Variants in CENPT observed in about 807,000 individuals in gnomAD.
The protein encoded by CENPT is centromere protein T.
Under a neutral mutation model 59.7 loss-of-function variants are expected in CENPT, and 42 were observed. That is an observed-to-expected ratio of 0.70 (90% CI 0.55 to 0.91). The LOEUF (loss-of-function observed/expected upper bound fraction) is 0.91. Ranked by LOEUF, CENPT falls within the 40% of genes least tolerant of loss-of-function variation. The pLI, the probability that CENPT is intolerant of heterozygous loss-of-function variation, is 0.00. For synonymous variants in CENPT, 295 were observed against 289.6 expected (o/e 1.02, Z -0.19); for missense variants, 716 against 713.4 (o/e 1.00, Z -0.04).
At chr16:67,837,032 C>A (rs917886921) in intron 1 of CENPT, among the ~76,000 whole-genome samples, 8 of 150,478 alleles carry the variant, frequency 5.3e-5, no homozygotes, top group African/African-American at 1.7e-4. Context: ...TGAGCCACTA[C>A]GAAATTTTTT....
At chr16:67,829,388 A>G (rs1936182023) in intron 13 of CENPT, 35 bp downstream of exon 13, 1 of 1,534,036 alleles carries the variant, frequency 6.5e-7, no homozygotes, top group Non-Finnish European at 8.9e-7. Flanking sequence ...TCCCTTCCCA[A>G]GAGGCCCATG....
chr16:67,841,982 T>C (rs1482873832), intron 1 of CENPT: 5 of 152,248 alleles, frequency 3.3e-5, no homozygotes, highest in Non-Finnish European at 7.3e-5. Flanking sequence ...GGAAGGCGCC[T>C]AGTTCAGCGC....
chr16:67,844,747 G>A (rs1406557339), intron 1 of CENPT, among the ~76,000 whole-genome samples: 2 of 151,514 alleles, frequency 1.3e-5, no homozygotes, highest in Admixed American at 1.3e-4. Flanking sequence ...TGGGAGGTGT[G>A]ATTCCTTGAC....
intron 4 of CENPT, 59 bp from the exon 5 acceptor site, chr16:67,832,604 A>G (rs1420861757): frequency 6.8e-7 from 1 of 1,467,724 alleles, no homozygotes; most frequent in South Asian, 1.2e-5. Flanking sequence ...GAGAATATAG[A>G]GACATGCCTT....
intron 9 of CENPT, 90 bp from the exon 10 acceptor site, chr16:67,831,448 CT>C: frequency 1.3e-6 from 2 of 1,572,976 alleles, no homozygotes; most frequent in Admixed American, 3.6e-5. Flanking sequence ...GCTCTCATCT[CT>C]TAGAACAGAT....
intron 11 of CENPT, 116 bp from the exon 12 acceptor site, chr16:67,830,204 C>A (rs1287079249): frequency 1.6e-6 from 2 of 1,241,048 alleles, no homozygotes; most frequent in Non-Finnish European, 2.3e-6. Context: ...AAAGACAAAG[C>A]CAGAGGCAGC....
chr16:67,831,297 C>T lies in CENPT; in HGVS notation c.622G>A (p.Ala208Thr), dbSNP rs774727424. 1.7e-5 allele frequency: 28 copies of T among 1,614,060 alleles called. No homozygotes were observed. Among genetic ancestry groups the T allele is most frequent in the Non-Finnish European group, 2.0e-5 (24 of 1,180,036 alleles). The change falls in exon 10 of 16, where the codon GCC becomes ACC. Residue 208 changes from alanine to threonine, a missense_variant. Coordinates refer to ENST00000562787, the MANE Select transcript of CENPT (RefSeq NM_025082.4). Reference sequence around the variant, plus strand: ...GCTCGGCGGGCTGGAGGTCTGCGGGCCAAGCCAGGCCTCTGCACTGACTGT... The same window carrying T: ...GCTCGGCGGGCTGGAGGTCTGCGGGTCAAGCCAGGCCTCTGCACTGACTGT... The part of the protein sequence containing the change: ...QPQSVQRPGL[A>T]RRPPARRAVD...
Position 67,842,318 on chromosome 16 carries a change from C to G in CENPT, c.-492+5083G>C, listed in dbSNP as rs1313398600. ...TCTCAGGCGGTCCTTCGCGGCGTCC[C>G]CGGGGCCCACTCCCGAGCGCAGGCG... is the stretch of plus-strand genomic sequence containing the variant. On this transcript the variant is annotated intron_variant, in intron 1 of 15. Coordinates refer to ENST00000562787, the MANE Select transcript of CENPT (RefSeq NM_025082.4). This position sits in a 1 kb window ranked among gnomAD's most constrained non-coding sequence, Gnocchi z 4.9. 5.7e-6 allele frequency: 1 copy of G among 176,032 alleles called. No individual in the cohort carries two copies. The highest frequency in any genetic ancestry group is 1.7e-4 in the East Asian group (1 of 6,026). 10.9% of individuals were successfully genotyped at this position (176,032 alleles called of 1,614,324 possible). A position where few individuals can be genotyped will look rare whatever the true frequency, so the allele number is the denominator to read the frequency against.
Position 67,842,457 on chromosome 16 carries a change from C to A in CENPT, c.-492+4944G>T. The A allele has an allele frequency of 8.0e-6, 8 of 1,004,428 alleles. No individual in the cohort carries two copies. Among genetic ancestry groups the A allele is most frequent in the Non-Finnish European group, 1.0e-5 (8 of 782,750 alleles). 62.2% of individuals were successfully genotyped at this position (1,004,428 alleles called of 1,614,324 possible). ...TGGTGGGATACCACCCAAGGCCTCGCGCGGCGCCGCCCGTCGAGGGGCGGG... is the reference window on the plus strand; with the variant it reads ...TGGTGGGATACCACCCAAGGCCTCGAGCGGCGCCGCCCGTCGAGGGGCGGG... On this transcript the variant is annotated intron_variant, in intron 1 of 15. Transcript: ENST00000562787. This position sits in a 1 kb window ranked among gnomAD's most constrained non-coding sequence, Gnocchi z 4.9.
chr16:67,831,966 A>T, intron 7 of CENPT, 46 bp downstream of exon 7: 1 of 1,588,416 alleles, frequency 6.3e-7, no homozygotes, highest in Non-Finnish European at 8.6e-7. Flanking sequence ...AAACTCCCGG[A>T]CTAAGCTGCC....
chr16:67,831,899 A>G lies in CENPT; in HGVS notation c.387-9T>C, dbSNP rs2057693605. 6.2e-7 allele frequency: 1 copy of G among 1,610,384 alleles called. No homozygotes were observed. The highest frequency in any genetic ancestry group is 8.5e-7 in the Non-Finnish European group (1 of 1,178,894). On this transcript the variant is annotated splice_polypyrimidine_tract_variant and intron_variant, in intron 7 of 15. Transcript: ENST00000562787. The stretch of plus-strand genomic sequence containing the variant: ...GAAGTTGCAGCTCCAGGCTATAAGA[A>G]TGGAGCTTATCTCAGACAGGCCAGG...
chr16:67,843,814 G>A lies in CENPT; in HGVS notation c.-492+3587C>T. The A allele has an allele frequency of 3.1e-6, 1 of 324,666 alleles. No individual in the cohort carries two copies. The highest frequency in any genetic ancestry group is 6.1e-6 in the Non-Finnish European group (1 of 165,244). The allele number at this position is 324,666 out of a possible 1,614,324, so 20.1% of individuals were successfully genotyped here. On this transcript the variant is annotated intron_variant, in intron 1 of 15. Coordinates refer to ENST00000562787, the MANE Select transcript of CENPT (RefSeq NM_025082.4). This position sits in a 1 kb window ranked among gnomAD's most constrained non-coding sequence, Gnocchi z 5.7. The stretch of plus-strand genomic sequence containing the variant: ...AAACTTACCCTCTAGGGATGCAGGT[G>A]GGATGTCCAGGGACTATAGGTTTGG...
rs1408691760 is a variant in CENPT, at chr16:67,831,327, G to A, written c.592C>T (p.Gln198Ter). ...SLNLTFATPL[Q>*]PQSVQRPGLA... ...CCAGGCCTCTGCACTGACTGTGGCT[G>A]AAGAGGTGTGGCAAAGGTCAGGTTG... Residue 198 changes from glutamine to a stop codon, truncating the protein, a stop_gained, in exon 10 of 16, where the codon CAG becomes TAG. Coordinates refer to ENST00000562787, the MANE Select transcript of CENPT (RefSeq NM_025082.4). LOFTEE classifies it high-confidence loss of function. The A allele has an allele frequency of 6.2e-7, 1 of 1,614,054 alleles. No homozygotes were observed. The highest frequency in any genetic ancestry group is 1.3e-5 in the African/African-American group (1 of 74,942).
In CENPT at chr16:67,833,894, A is replaced by G; in HGVS notation, c.-35T>C. 2 of 1,365,910 alleles carry G rather than the reference A, an allele frequency of 1.5e-6. No homozygotes were observed. Among genetic ancestry groups the G allele is most frequent in the Non-Finnish European group, 1.9e-6 (2 of 1,032,106 alleles). 84.6% of individuals were successfully genotyped at this position (1,365,910 alleles called of 1,614,324 possible). ...CCCGGGCCCTCCTAACCGCCCAGCCAGCTGCAGGCTCCGCCTTCCCGCCGC... is the reference window on the plus strand; with the variant it reads ...CCCGGGCCCTCCTAACCGCCCAGCCGGCTGCAGGCTCCGCCTTCCCGCCGC... On this transcript the variant is annotated 5_prime_UTR_variant, in exon 4 of 16. Coordinates refer to ENST00000562787, the MANE Select transcript of CENPT (RefSeq NM_025082.4).
chr16:67,832,080 C>A lies in CENPT; in HGVS notation c.318G>T (p.Glu106Asp). 3 of 1,612,348 alleles carry A rather than the reference C, an allele frequency of 1.9e-6. No homozygotes were observed. ...TAPESSILMP[E>D]SVVKPVPAPQ... ...GTGCTGGCACTGGCTTCACTACCGA[C>A]TCAGGCATCAGGATGGAAGATTCTG... is the stretch of plus-strand genomic sequence containing the variant. The change falls in exon 7 of 16, where the codon GAG becomes GAT. Residue 106 changes from glutamate (E) to aspartate (D), a missense_variant. Glu to Asp is a conservative substitution (Grantham distance 45). Transcript: ENST00000562787.
intron 5 of CENPT, 24 bp from the exon 6 acceptor site, chr16:67,832,339 C>T (rs762164190): frequency 1.9e-6 from 3 of 1,613,138 alleles, no homozygotes; most frequent in African/African-American, 1.3e-5. Flanking sequence ...ACCAAGCAAC[C>T]AGTCTGTCCG....
chr16:67,846,337 G>T (rs2057798039), intron 1 of CENPT, among the ~76,000 whole-genome samples: 1 of 152,264 alleles, frequency 6.6e-6, no homozygotes, highest in African/African-American at 2.4e-5. Flanking sequence ...CCACCTGAGG[G>T]ACATTTGAGT....
chr16:67,839,381 C>CAAA (rs533840724), intron 1 of CENPT, among the ~76,000 whole-genome samples: 4 of 54,138 alleles, frequency 7.4e-5, no homozygotes, highest in Admixed American at 2.1e-4. Flanking sequence ...AACTCCACCT[C>CAAA]AAAAAAAAAA....
rs2057718766 is a variant in CENPT, at chr16:67,833,929, T to C, written c.-70A>G. On this transcript the variant is annotated 5_prime_UTR_variant, in exon 4 of 16. Transcript: ENST00000562787. ...TCCGCCTTCCCGCCGCCACAGTTAA[T>C]GTAACTCTCGCGATGCTCCCGCACA... is the stretch of plus-strand genomic sequence containing the variant. 22 of 1,040,516 alleles carry C rather than the reference T, an allele frequency of 2.1e-5. No individual in the cohort carries two copies. The highest frequency in any genetic ancestry group is 2.9e-5 in the Non-Finnish European group (22 of 753,818). The allele number at this position is 1,040,516 out of a possible 1,614,324, so 64.5% of individuals were successfully genotyped here.
Sources: gnomAD v4.1 joint callset for allele counts (sites outside exome capture counted in the v4.1 genomes callset) on GRCh38, gnomAD v4.1.1 for gene constraint, Gnocchi (gnomAD v3.1) non-coding constraint, MANE v1.5 for transcripts, NCBI Gene and HGNC (gene_info 2026-07-23, HGNC 2026-07-21) for gene names.